ADGRV1: variants seen among roughly 807,000 people sequenced by gnomAD.
The protein encoded by ADGRV1 is adhesion G protein-coupled receptor V1.
In ADGRV1, 359 loss-of-function variants were observed where a neutral mutation model predicts 596.2. The ratio of observed to expected loss-of-function variants is 0.60; its 90% CI spans 0.55 to 0.66. ADGRV1 has a LOEUF of 0.66. Ranked by LOEUF, ADGRV1 falls within the 30% of genes least tolerant of loss-of-function variation. The pLI, the probability that ADGRV1 is intolerant of heterozygous loss-of-function variation, is 0.00. For missense variants in ADGRV1, 7,274 were observed against 7,575.6 expected (o/e 0.96, Z 1.48); for synonymous variants, 2,681 against 2,679.2 (o/e 1.00, Z -0.02).
intron 16 of ADGRV1, among the ~76,000 whole-genome samples, chr5:90,646,398 C>T (rs961627443): frequency 1.4e-5 from 2 of 146,774 alleles, no homozygotes; most frequent in Non-Finnish European, 3.0e-5. Context: ...TCAGATTTCT[C>T]GGTATTTTTT....
intron 28 of ADGRV1, among the ~76,000 whole-genome samples, chr5:90,685,310 C>T (rs556534295): frequency 1.3e-3 from 200 of 152,204 alleles, no homozygotes; most frequent in African/African-American, 4.7e-3. Flanking sequence ...GGGCTGGGCG[C>T]GGTGGCTTAT....
chr5:90,666,663 C>T (rs1215299244), intron 21 of ADGRV1, among the ~76,000 whole-genome samples: 2 of 145,380 alleles, frequency 1.4e-5, no homozygotes, highest in African/African-American at 2.6e-5. Flanking sequence ...ATGATGTTAG[C>T]GGGTTATTTT....
At chr5:90,585,548 G>C (rs968055789) in intron 1 of ADGRV1, among the ~76,000 whole-genome samples, 1 of 152,212 alleles carries the variant, frequency 6.6e-6, no homozygotes, top group African/African-American at 2.4e-5. Flanking sequence ...CCCAGGGCTG[G>C]CTGTGAAACC....
intron 83 of ADGRV1, among the ~76,000 whole-genome samples, chr5:90,911,318 C>A (rs945636248): frequency 6.6e-6 from 1 of 152,072 alleles, no homozygotes; most frequent in African/African-American, 2.4e-5. Context: ...AGACAATGAG[C>A]CATCTAGCTT....
chr5:90,878,275 GAT>G (rs1769407761), intron 83 of ADGRV1, among the ~76,000 whole-genome samples: 1 of 152,318 alleles, frequency 6.6e-6, no homozygotes, highest in South Asian at 2.1e-4. Flanking sequence ...ATCGGTCACT[GAT>G]ATTTGATTTA....
At chr5:90,694,767 A>G (rs946228921) in intron 33 of ADGRV1, 66 bp downstream of exon 33, 3 of 1,347,188 alleles carry the variant, frequency 2.2e-6, no homozygotes, top group Admixed American at 2.7e-5. Flanking sequence ...TTTTTATGAT[A>G]AAATTTATAA....
chr5:91,085,160 A>T (rs1366685436), intron 86 of ADGRV1, among the ~76,000 whole-genome samples: 1 of 152,222 alleles, frequency 6.6e-6, no homozygotes, highest in Non-Finnish European at 1.5e-5. Context: ...GCAAACCAAC[A>T]TGGCACATGT....
intron 83 of ADGRV1, among the ~76,000 whole-genome samples, chr5:90,934,275 CT>C (rs1775495402): frequency 6.6e-6 from 1 of 152,134 alleles, no homozygotes; most frequent in Non-Finnish European, 1.5e-5. Context: ...CTTCATTCTG[CT>C]TATAATTGAT....
chr5:90,600,975 G>A (rs1279353099), intron 1 of ADGRV1, among the ~76,000 whole-genome samples: 2 of 151,992 alleles, frequency 1.3e-5, no homozygotes, highest in Non-Finnish European at 2.9e-5. Flanking sequence ...AGTGGCTCAC[G>A]CCTGTAATTC....
chr5:91,086,317 T>C (rs1389578368), intron 86 of ADGRV1, among the ~76,000 whole-genome samples: 1 of 152,212 alleles, frequency 6.6e-6, no homozygotes, highest in Non-Finnish European at 1.5e-5. Context: ...TCTGATCGCT[T>C]GTCCTTAAGA....
chr5:91,123,037 T>A (rs972256034), intron 87 of ADGRV1, among the ~76,000 whole-genome samples: 2 of 152,186 alleles, frequency 1.3e-5, no homozygotes, highest in African/African-American at 2.4e-5. Flanking sequence ...GCACAGCCTC[T>A]CCACCATGCT....
chr5:90,636,814 G>A (rs1213880270), intron 10 of ADGRV1, among the ~76,000 whole-genome samples: 1 of 151,460 alleles, frequency 6.6e-6, no homozygotes, highest in Non-Finnish European at 1.5e-5. Flanking sequence ...TCCAAGATGA[G>A]CTTAAAGGGC....
Position 90,882,310 on chromosome 5 carries a change from A to G in ADGRV1, c.17856+18453A>G, listed in dbSNP as rs114731386. 6.5e-3 allele frequency among the ~76,000 whole-genome samples: 983 copies of G among 152,354 alleles called. 7 individuals carry two copies. The highest frequency in any genetic ancestry group is 0.011 in the Non-Finnish European group (728 of 68,036). The stretch of plus-strand genomic sequence containing the variant: ...TTTCTCATTAATTTTGAAAGAGAAG[A>G]AAGGAAATATTGAATATTCTGTTGA... On this transcript the variant is annotated intron_variant, in intron 83 of 89. Transcript: ENST00000405460.
chr5:91,055,444 G>T (rs1786757141), intron 85 of ADGRV1, among the ~76,000 whole-genome samples: 1 of 152,078 alleles, frequency 6.6e-6, no homozygotes, highest in South Asian at 2.1e-4. Flanking sequence ...CACATGCTAG[G>T]TATATGCTAA....
intron 85 of ADGRV1, among the ~76,000 whole-genome samples, chr5:91,002,594 A>G (rs1297673580): frequency 1.3e-5 from 2 of 151,234 alleles, no homozygotes; most frequent in Non-Finnish European, 2.9e-5. Flanking sequence ...CCATTTTCTA[A>G]ATTTTTTCTG....
chr5:90,823,308 T>A, intron 75 of ADGRV1, 117 bp from the exon 76 acceptor site: 1 of 1,034,278 alleles, frequency 9.7e-7, no homozygotes, highest in Admixed American at 2.6e-5. Context: ...ATACTTTGGA[T>A]GAAGAGGTAC....
chr5:90,910,929 A>T (rs1433316590), intron 83 of ADGRV1, among the ~76,000 whole-genome samples: 1 of 152,164 alleles, frequency 6.6e-6, no homozygotes, highest in African/African-American at 2.4e-5. Context: ...TTTCCTATGT[A>T]TTCCTGTTAC....
At chr5:90,701,978 C>T (rs983016679) in intron 34 of ADGRV1, among the ~76,000 whole-genome samples, 4 of 124,720 alleles carry the variant, frequency 3.2e-5, no homozygotes, top group South Asian at 2.8e-4. Context: ...CTTTTTGAAC[C>T]ATTAACAAAT....
chr5:91,133,757 T>C (rs578177913), intron 87 of ADGRV1, among the ~76,000 whole-genome samples: 1 of 152,334 alleles, frequency 6.6e-6, no homozygotes, highest in Non-Finnish European at 1.5e-5. Flanking sequence ...CCACTAACTT[T>C]GATTTGCTAC....
Sources: allele counts gnomAD v4.1 joint callset (sites outside exome capture counted in the v4.1 genomes callset), GRCh38; gene constraint gnomAD v4.1.1; transcripts MANE v1.5; gene names NCBI Gene and HGNC (gene_info 2026-07-23, HGNC 2026-07-21).